The following CPD variants were observed in gnomAD, a reference collection of about 807,000 sequenced individuals.
CPD encodes the protein carboxypeptidase D, also known as metallocarboxypeptidase D.
CPD carries 69 observed loss-of-function variants against 138.3 expected under a neutral mutation model. That is an observed-to-expected ratio of 0.50 (90% CI 0.41 to 0.61). The LOEUF (loss-of-function observed/expected upper bound fraction) is 0.61, where lower values mean the gene tolerates loss of function less well. Among genes scored for constraint, CPD ranks in the 20% least tolerant of loss-of-function variants. The pLI, the probability that CPD is intolerant of heterozygous loss-of-function variation, is 0.00. For missense variants in CPD, 1,432 were observed against 1,733.3 expected (o/e 0.83, Z 3.09); for synonymous variants, 651 against 642.1 (o/e 1.01, Z -0.21).
At chr17:30,423,770 TGAACTGGTTCTTTTG>T (rs1912330803) in intron 6 of CPD, 73 bp downstream of exon 6, 1 of 1,175,776 alleles carries the variant, frequency 8.5e-7, no homozygotes, top group African/African-American at 1.6e-5. Context: ...GAAGAGAATT[TGAACTGGTTCTTTTG>T]GAATTTCTTC....
intron 8 of CPD, among the ~76,000 whole-genome samples, chr17:30,434,508 T>A (rs1912648590): frequency 6.6e-6 from 1 of 152,020 alleles, no homozygotes; most frequent in Non-Finnish European, 1.5e-5. Flanking sequence ...ACTGGGCAGA[T>A]TAGAGCTCTG....
At chr17:30,401,551 G>C (rs1441257491) in intron 2 of CPD, among the ~76,000 whole-genome samples, 6 of 151,624 alleles carry the variant, frequency 4.0e-5, no homozygotes, top group Non-Finnish European at 5.9e-5. Flanking sequence ...TGGTGCGGTC[G>C]TGGCTCACTG....
At chr17:30,395,796 T>C (rs1439892027) in intron 2 of CPD, among the ~76,000 whole-genome samples, 1 of 150,624 alleles carries the variant, frequency 6.6e-6, no homozygotes, top group Non-Finnish European at 1.5e-5. Context: ...TAGACAAAAA[T>C]GAAAACAGAT....
At chr17:30,383,364 A>G (rs1212762586) in intron 1 of CPD, among the ~76,000 whole-genome samples, 2 of 152,196 alleles carry the variant, frequency 1.3e-5, no homozygotes, top group African/African-American at 4.8e-5. Flanking sequence ...TACAAATGAA[A>G]GGAAAACTGA....
rs573125896 is a variant in CPD at position 30,401,230 on chromosome 17, C to T, written c.994+15994C>T. On this transcript the variant is annotated intron_variant, in intron 2 of 20. Transcript: ENST00000225719. The stretch of plus-strand genomic sequence containing the variant: ...GCTGCTGCTTCTGCTTCTGCTTCTT[C>T]TGCTTCTGCTGCTGCTTCTTCTCCT... Among the ~76,000 whole-genome samples the T allele has an allele frequency of 1.6e-3, 215 of 135,034 alleles. No individual in the cohort carries two copies. In the Middle Eastern group the frequency reaches 0.026, roughly 16 times the overall value. 88.6% of individuals were successfully genotyped at this position (135,034 alleles called of 152,430 possible). A position where few individuals can be genotyped will look rare whatever the true frequency, so the allele number is the denominator to read the frequency against.
rs549613444 is a variant in CPD, at chr17:30,468,122, C to A, written c.*3308C>A. Reference sequence around the variant, plus strand: ...TTCATGAAGAAATCTCTCCCAATACCCATTTATCCTATTTTTAGCAATAAT... The same window carrying A: ...TTCATGAAGAAATCTCTCCCAATACACATTTATCCTATTTTTAGCAATAAT... On this transcript the variant is annotated 3_prime_UTR_variant, in exon 21 of 21. Coordinates refer to ENST00000225719, the MANE Select transcript of CPD (RefSeq NM_001304.5). 4 of 152,390 alleles carry A rather than the reference C, an allele frequency of 2.6e-5. No individual in the cohort carries two copies. Among genetic ancestry groups the A allele is most frequent in the Non-Finnish European group, 5.9e-5 (4 of 67,980 alleles). The allele number at this position is 152,390 out of a possible 1,614,324, so 9.4% of individuals were successfully genotyped here. A position where few individuals can be genotyped will look rare whatever the true frequency, so the allele number is the denominator to read the frequency against.
intron 13 of CPD, among the ~76,000 whole-genome samples, chr17:30,450,512 G>T (rs1399070103): frequency 6.6e-6 from 1 of 152,104 alleles, no homozygotes; most frequent in Admixed American, 6.6e-5. Flanking sequence ...GCTGCTAAGA[G>T]ATTTTAGAAA....
Position 30,378,991 on chromosome 17 carries a change from G to A in CPD, c.11G>A (p.Gly4Asp), listed in dbSNP as rs781736103. Residue 4 changes from glycine (G) to aspartate (D), a missense_variant, in exon 1 of 21, where the codon GGC becomes GAC. Coordinates refer to ENST00000225719, the MANE Select transcript of CPD (RefSeq NM_001304.5). MAS[G>D]RDERPPWRLG... ...CGGCGCTGCTGGAAGATGGCGAGCG[G>A]CCGGGACGAGCGGCCGCCTTGGCGG... The A allele has an allele frequency of 9.1e-6, 14 of 1,539,420 alleles. No homozygotes were observed. The African/African-American group carries it at 1.9e-4, about 20-fold the overall frequency.
chr17:30,421,011 G>T, intron 3 of CPD, 28 bp downstream of exon 3: 1 of 1,607,748 alleles, frequency 6.2e-7, no homozygotes, highest in East Asian at 2.2e-5. Flanking sequence ...GAATGTTGGG[G>T]TATAGAAACA....
At chr17:30,394,862 G>A (rs1355347455) in intron 2 of CPD, among the ~76,000 whole-genome samples, 5 of 151,530 alleles carry the variant, frequency 3.3e-5, no homozygotes, top group Admixed American at 6.6e-5. Flanking sequence ...TAATTGGATG[G>A]TGGGGATTGG....
At chr17:30,450,855 A>G (rs1177856780) in intron 13 of CPD, among the ~76,000 whole-genome samples, 1 of 151,962 alleles carries the variant, frequency 6.6e-6, no homozygotes, top group Non-Finnish European at 1.5e-5. Context: ...TGGAATCTCA[A>G]AAACAAACAA....
intron 6 of CPD, among the ~76,000 whole-genome samples, chr17:30,424,970 G>C (rs1376844314): frequency 1.3e-5 from 2 of 152,202 alleles, no homozygotes; most frequent in East Asian, 3.9e-4. Context: ...GAACAAATAG[G>C]CACAAGATCT....
At chr17:30,400,514 C>T (rs1268148811) in intron 2 of CPD, among the ~76,000 whole-genome samples, 1 of 151,998 alleles carries the variant, frequency 6.6e-6, no homozygotes, top group African/African-American at 2.4e-5. Flanking sequence ...TTCATTCATT[C>T]CTGAAGTTCT....
chr17:30,420,584 A>G (rs1437037816), intron 2 of CPD, among the ~76,000 whole-genome samples: 2 of 152,220 alleles, frequency 1.3e-5, no homozygotes, highest in African/African-American at 4.8e-5. Flanking sequence ...ATTAACTGAT[A>G]TATTCATACT....
chr17:30,453,594 C>G (rs1913219960), intron 14 of CPD, among the ~76,000 whole-genome samples: 1 of 152,160 alleles, frequency 6.6e-6, no homozygotes, highest in Non-Finnish European at 1.5e-5. Flanking sequence ...CGTGGATCTA[C>G]CATTCTGGAG....
At chr17:30,422,160 A>G (rs1912283304) in intron 4 of CPD, among the ~76,000 whole-genome samples, 1 of 152,178 alleles carries the variant, frequency 6.6e-6, no homozygotes, top group Non-Finnish European at 1.5e-5. Flanking sequence ...TGTAAATGAC[A>G]TTTTGAAGAA....
intron 12 of CPD, among the ~76,000 whole-genome samples, chr17:30,446,479 T>G (rs1448599305): frequency 6.6e-6 from 1 of 152,224 alleles, no homozygotes; most frequent in East Asian, 1.9e-4. Context: ...TCCAGCTTCA[T>G]CCATGTCCCT....
At chr17:30,388,290 G>T (rs1190204232) in intron 2 of CPD, among the ~76,000 whole-genome samples, 1 of 152,146 alleles carries the variant, frequency 6.6e-6, no homozygotes, top group Non-Finnish European at 1.5e-5. Flanking sequence ...GGACCTCCCT[G>T]GCCTGAAGGT....
At chr17:30,383,834 C>T (rs1214598092) in intron 1 of CPD, among the ~76,000 whole-genome samples, 2 of 151,814 alleles carry the variant, frequency 1.3e-5, no homozygotes, top group Non-Finnish European at 2.9e-5. Context: ...CAAGAAAATC[C>T]TATTTAGAAT....
Sources: allele counts gnomAD v4.1 joint callset (sites outside exome capture counted in the v4.1 genomes callset), GRCh38; gene constraint gnomAD v4.1.1; transcripts MANE v1.5; gene names NCBI Gene and HGNC (gene_info 2026-07-23, HGNC 2026-07-21).